Variants in VXN observed in about 807,000 individuals in gnomAD.
VXN encodes uncharacterized protein C8orf46.
VXN carries 7 observed loss-of-function variants against 23.1 expected under a neutral mutation model. The observed-to-expected ratio is 0.30, with a 90% CI of 0.17 to 0.57. The LOEUF is 0.57. VXN is among the 20% of genes least tolerant of loss of function. The pLI is 0.91. For missense variants in VXN, 238 were observed against 272.6 expected, an observed-to-expected ratio of 0.87 and a Z score of 0.89; for synonymous variants, 120 against 105.8, an observed-to-expected ratio of 1.13 and a Z score of -0.83.
chr8:66,515,479 T>C (rs1357490363), intron 5 of VXN, among the ~76,000 whole-genome samples: 7 of 152,236 alleles, frequency 4.6e-5, no homozygotes, highest in Non-Finnish European at 7.3e-5. Flanking sequence ...TTAAGTCACT[T>C]GCCTGAGGTC....
intron 4 of VXN, among the ~76,000 whole-genome samples, chr8:66,511,419 A>G (rs745820744): frequency 1.2e-4 from 19 of 152,232 alleles, no homozygotes; most frequent in Non-Finnish European, 2.4e-4. Flanking sequence ...TCTGGGCAGG[A>G]GACCTAATCC....
rs1369414137 is a variant in VXN, at chr8:66,493,600, A to G, written c.-49A>G. On this transcript the variant is annotated 5_prime_UTR_variant, in exon 1 of 6. Transcript: ENST00000305454. Reference sequence around the variant, plus strand: ...TAGGATGCCTCGCGACTAGGGGTCCAGAGACAGAGGCCTCCAGTTCCCAGG... The same window carrying G: ...TAGGATGCCTCGCGACTAGGGGTCCGGAGACAGAGGCCTCCAGTTCCCAGG... 37 of 1,534,824 alleles carry G rather than the reference A, an allele frequency of 2.4e-5. No homozygotes were observed. Among genetic ancestry groups the G allele is most frequent in the Non-Finnish European group, 3.1e-5 (34 of 1,109,066 alleles).
intron 3 of VXN, among the ~76,000 whole-genome samples, chr8:66,508,335 C>T (rs1807782775): frequency 6.6e-6 from 1 of 152,118 alleles, no homozygotes; most frequent in Admixed American, 6.5e-5. Flanking sequence ...GTGAAGGGCC[C>T]AGCCTCCAGC....
chr8:66,497,106 A>C (rs1807636038), intron 2 of VXN, among the ~76,000 whole-genome samples: 1 of 152,158 alleles, frequency 6.6e-6, no homozygotes, highest in Non-Finnish European at 1.5e-5. Context: ...GATGGTCTCG[A>C]TCTCCTGACC....
At chr8:66,508,778 C>G (rs1472114009) in intron 3 of VXN, among the ~76,000 whole-genome samples, 2 of 152,162 alleles carry the variant, frequency 1.3e-5, no homozygotes, top group Non-Finnish European at 2.9e-5. Context: ...GTTTCCTTGA[C>G]TAGAAAGTGC....
At chr8:66,496,362 C>T in intron 1 of VXN, 75 bp from the exon 2 acceptor site, 1 of 1,385,682 alleles carries the variant, frequency 7.2e-7, no homozygotes, top group Non-Finnish European at 1.0e-6. Context: ...TTCAAACCTT[C>T]TCAGTGTTGT....
chr8:66,511,923 G>A (rs1032467723), intron 4 of VXN, among the ~76,000 whole-genome samples: 2 of 152,024 alleles, frequency 1.3e-5, no homozygotes, highest in Non-Finnish European at 2.9e-5. Context: ...AAAATTAGCC[G>A]AGCGTGGTGA....
intron 4 of VXN, among the ~76,000 whole-genome samples, chr8:66,512,961 G>A (rs1807841740): frequency 6.6e-6 from 1 of 152,170 alleles, no homozygotes; most frequent in Non-Finnish European, 1.5e-5. Flanking sequence ...AAGGTGGGTG[G>A]GCGGGGTTGG....
At chr8:66,512,716 C>T (rs1807838602) in intron 4 of VXN, among the ~76,000 whole-genome samples, 1 of 152,132 alleles carries the variant, frequency 6.6e-6, no homozygotes, top group Non-Finnish European at 1.5e-5. Context: ...CAACTTGGGC[C>T]ACCAGCCTCA....
intron 3 of VXN, among the ~76,000 whole-genome samples, chr8:66,507,280 A>G (rs1807770181): frequency 6.6e-6 from 1 of 152,184 alleles, no homozygotes. Context: ...GGTTTAGGGA[A>G]CATTAATCTG....
intron 5 of VXN, 183 bp downstream of exon 5, chr8:66,513,820 T>A (rs751449153): frequency 3.6e-6 from 2 of 558,022 alleles, no homozygotes; most frequent in Non-Finnish European, 6.3e-6. Flanking sequence ...CCTCATCAAC[T>A]GTTTCCCTAG....
intron 2 of VXN, among the ~76,000 whole-genome samples, chr8:66,499,914 A>G (rs1205521817): frequency 1.3e-5 from 2 of 151,604 alleles, no homozygotes; most frequent in Admixed American, 6.6e-5. Context: ...ATTATTTTTC[A>G]TAGGGTTTTG....
intron 2 of VXN, among the ~76,000 whole-genome samples, chr8:66,498,577 C>A (rs1397860376): frequency 2.0e-5 from 3 of 152,158 alleles, no homozygotes; most frequent in African/African-American, 4.8e-5. Flanking sequence ...TAGTACTGAA[C>A]CCTGTATCAC....
chr8:66,495,923 C>T (rs1297847673), intron 1 of VXN, among the ~76,000 whole-genome samples: 2 of 152,226 alleles, frequency 1.3e-5, no homozygotes, highest in African/African-American at 4.8e-5. Flanking sequence ...TTCCCCCACT[C>T]TTCCAGCCAC....
chr8:66,515,944 A>G lies in VXN; in HGVS notation c.492A>G (p.Gly164=). ...MTEEYPALPQ[G]AEASLPLTGS... ...AAGAGTATCCAGCCCTTCCCCAAGG[A>G]GCAGAAGCCTCTCTACCACTGACAG... Residue 164 remains glycine, a synonymous_variant, in exon 6 of 6, where the codon GGA becomes GGG. Coordinates refer to ENST00000305454, the MANE Select transcript of VXN (RefSeq NM_152765.4). 1 of 1,613,572 alleles carries G rather than the reference A, an allele frequency of 6.2e-7. No individual in the cohort carries two copies. Among genetic ancestry groups the G allele is most frequent in the Non-Finnish European group, 8.5e-7 (1 of 1,179,786 alleles).
In VXN at chr8:66,505,438, C is replaced by T. The variant is rs1291216329; in HGVS notation, c.190C>T (p.Arg64Cys). 1.3e-6 allele frequency: 2 copies of T among 1,576,804 alleles called. No individual in the cohort carries two copies. The highest frequency in any genetic ancestry group is 1.2e-5 in the South Asian group (1 of 86,314). Reference protein sequence around the residue: ...PLELLPHRGDRRDPGDRRRFG... With the variant: ...PLELLPHRGDCRDPGDRRRFG... ...GGAGCTGCTGCCCCACCGCGGAGAC[C>T]GCAGGGACCCTGGCGACCGCCGCAG... Residue 64 changes from arginine to cysteine, a missense_variant, in exon 3 of 6, where the codon CGC becomes TGC. Transcript: ENST00000305454.
At chr8:66,506,235 G>GAGAGAC (rs1251416575) in intron 3 of VXN, among the ~76,000 whole-genome samples, 2 of 90,132 alleles carry the variant, frequency 2.2e-5, no homozygotes, top group African/African-American at 1.0e-4. Flanking sequence ...GAGAGACAGT[G>GAGAGAC]TGTGTGTGTG....
intron 3 of VXN, among the ~76,000 whole-genome samples, chr8:66,509,556 G>A (rs1159102062): frequency 1.3e-5 from 2 of 152,126 alleles, no homozygotes; most frequent in Non-Finnish European, 2.9e-5. Flanking sequence ...ACAGCACCGT[G>A]TTAAATAACT....
At chr8:66,493,942 C>A (rs1278043269) in intron 1 of VXN, among the ~76,000 whole-genome samples, 1 of 152,176 alleles carries the variant, frequency 6.6e-6, no homozygotes, top group Admixed American at 6.5e-5. Context: ...CAGCTAAATA[C>A]TCCCTGTCTC....
Sources: gnomAD v4.1 joint callset for allele counts (sites outside exome capture counted in the v4.1 genomes callset) on GRCh38, gnomAD v4.1.1 for gene constraint, MANE v1.5 for transcripts, NCBI Gene and HGNC (gene_info 2026-07-23, HGNC 2026-07-21) for gene names.